Variants in PDE4D observed in about 807,000 individuals in gnomAD.
The protein encoded by PDE4D is 3',5'-cyclic-AMP phosphodiesterase 4D.
In PDE4D, 24 loss-of-function variants were observed where a neutral mutation model predicts 87.4. The observed-to-expected ratio is 0.27, with a 90% CI of 0.20 to 0.39. The LOEUF (loss-of-function observed/expected upper bound fraction) is 0.39, where lower values mean the gene tolerates loss of function less well. Ranked by LOEUF, PDE4D falls within the 10% of genes least tolerant of loss-of-function variation. PDE4D has a pLI of 1.00. For synonymous variants in PDE4D, 384 were observed against 383.2 expected (o/e 1.00, Z -0.02); for missense variants, 714 against 1,041.0 (o/e 0.69, Z 4.32).
chr5:60,385,753 T>C (rs1319673773), intron 1 of PDE4D, among the ~76,000 whole-genome samples: 1 of 152,210 alleles, frequency 6.6e-6, no homozygotes, highest in Non-Finnish European at 1.5e-5. Flanking sequence ...TTGTACTTAC[T>C]ACTCCCCCTT....
chr5:59,762,753 A>T (rs1206477437), intron 1 of PDE4D, among the ~76,000 whole-genome samples: 1 of 147,176 alleles, frequency 6.8e-6, no homozygotes, highest in South Asian at 2.1e-4. Context: ...GTATATAGGT[A>T]CATATATGCA....
At chr5:59,891,699 A>G (rs114193738) in intron 1 of PDE4D, among the ~76,000 whole-genome samples, 522 of 152,294 alleles carry the variant, frequency 3.4e-3, no homozygotes, top group Middle Eastern at 6.8e-3. Context: ...AAGAGCATAT[A>G]TGCAAGCTGA....
At chr5:59,929,804 G>C (rs1415487524) in intron 3 of PDE4D, among the ~76,000 whole-genome samples, 1 of 152,120 alleles carries the variant, frequency 6.6e-6, no homozygotes, top group Non-Finnish European at 1.5e-5. Context: ...CCTTACAAAA[G>C]AGGCTTGGGC....
At chr5:60,053,144 C>T (rs1770384168) in intron 2 of PDE4D, among the ~76,000 whole-genome samples, 1 of 152,132 alleles carries the variant, frequency 6.6e-6, no homozygotes, top group Non-Finnish European at 1.5e-5. Flanking sequence ...AATGCTATCC[C>T]CATCAAGCTA....
intron 1 of PDE4D, among the ~76,000 whole-genome samples, chr5:60,210,149 G>A (rs1438419833): frequency 6.6e-6 from 1 of 151,958 alleles, no homozygotes; most frequent in Non-Finnish European, 1.5e-5. Flanking sequence ...CTTAACAAAT[G>A]TACTAAATCT....
At chr5:59,586,515 A>AT (rs1194866546) in intron 1 of PDE4D, 22 of 1,446,798 alleles carry the variant, frequency 1.5e-5, no homozygotes, top group Non-Finnish European at 2.0e-5. Flanking sequence ...CAAAAAAAAA[A>AT]AAAAAATCTC....
At chr5:59,710,406 G>A (rs947803026) in intron 1 of PDE4D, among the ~76,000 whole-genome samples, 1 of 152,072 alleles carries the variant, frequency 6.6e-6, no homozygotes, top group East Asian at 1.9e-4. Context: ...ATGTAATGTG[G>A]GGATTCATGA....
At chr5:60,178,327 A>T (rs1378341929) in intron 2 of PDE4D, among the ~76,000 whole-genome samples, 2 of 152,164 alleles carry the variant, frequency 1.3e-5, no homozygotes, top group African/African-American at 4.8e-5. Flanking sequence ...CCAAATAGAC[A>T]ACAATACTAC....
chr5:60,500,270 T>C (rs901887447), intron 1 of PDE4D, among the ~76,000 whole-genome samples: 1 of 152,010 alleles, frequency 6.6e-6, no homozygotes, highest in Non-Finnish European at 1.5e-5. Context: ...ATTGTGCCAC[T>C]GCATCCCAGA....
intron 1 of PDE4D, among the ~76,000 whole-genome samples, chr5:60,314,356 G>A (rs530094778): frequency 1.2e-4 from 18 of 151,924 alleles, no homozygotes; most frequent in South Asian, 6.3e-4. Context: ...TAGTAGAGAC[G>A]GGGTTTCACC....
chr5:59,864,077 C>CT (rs1258303165), intron 1 of PDE4D, among the ~76,000 whole-genome samples: 2 of 152,082 alleles, frequency 1.3e-5, no homozygotes, highest in Non-Finnish European at 2.9e-5. Flanking sequence ...CTTGGAGGCT[C>CT]TTCAGAAAAG....
chr5:59,308,019 A>T (rs918163457), intron 1 of PDE4D, among the ~76,000 whole-genome samples: 5 of 152,270 alleles, frequency 3.3e-5, no homozygotes, highest in African/African-American at 4.8e-5. Context: ...CACCATGGAA[A>T]GCTATGCAGC....
At chr5:60,199,671 A>G (rs1196858631) in intron 1 of PDE4D, among the ~76,000 whole-genome samples, 1 of 151,750 alleles carries the variant, frequency 6.6e-6, no homozygotes, top group Admixed American at 6.6e-5. Flanking sequence ...GCGAAAGCAT[A>G]TAAATGAAAA....
At chr5:59,656,023 T>C (rs961054426) in intron 1 of PDE4D, among the ~76,000 whole-genome samples, 2 of 152,104 alleles carry the variant, frequency 1.3e-5, no homozygotes, top group African/African-American at 4.8e-5. Flanking sequence ...ACACACACAA[T>C]ACTCAAGTCA....
chr5:60,208,558 T>G (rs974571249), intron 1 of PDE4D, among the ~76,000 whole-genome samples: 5 of 152,016 alleles, frequency 3.3e-5, no homozygotes, highest in Non-Finnish European at 7.4e-5. Context: ...AGAGGTGTCA[T>G]GAAAAAGGCA....
chr5:59,969,670 GACA>G (rs1760478102), intron 3 of PDE4D, among the ~76,000 whole-genome samples: 3 of 152,094 alleles, frequency 2.0e-5, no homozygotes, highest in Admixed American at 2.0e-4. Context: ...GAACCATGGG[GACA>G]GTTACCTCCA....
intron 1 of PDE4D, among the ~76,000 whole-genome samples, chr5:60,356,266 C>T (rs1202539979): frequency 6.6e-6 from 1 of 152,190 alleles, no homozygotes; most frequent in South Asian, 2.1e-4. Context: ...TATGTTCTCA[C>T]TGGCTCTGCT....
chr5:59,876,299 GATA>G (rs1265626419), intron 1 of PDE4D, among the ~76,000 whole-genome samples: 3 of 152,134 alleles, frequency 2.0e-5, no homozygotes, highest in Admixed American at 6.5e-5. Flanking sequence ...GAGGAAATAT[GATA>G]ATGATGATGA....
intron 1 of PDE4D, among the ~76,000 whole-genome samples, chr5:59,282,407 G>A (rs777898567): frequency 3.3e-5 from 5 of 151,904 alleles, no homozygotes; most frequent in Non-Finnish European, 7.4e-5. Flanking sequence ...TTGGGAGGCC[G>A]AGACGGGTGG....
Sources: allele counts gnomAD v4.1 joint callset (sites outside exome capture counted in the v4.1 genomes callset), GRCh38; gene constraint gnomAD v4.1.1; transcripts MANE v1.5; gene names NCBI Gene and HGNC (gene_info 2026-07-23, HGNC 2026-07-21).